Variants in NAA16 observed in about 807,000 individuals in gnomAD.
NAA16 encodes the protein NARG1-like protein.
NAA16 carries 97 observed loss-of-function variants against 110.3 expected under a neutral mutation model. The ratio of observed to expected loss-of-function variants is 0.88; its 90% CI spans 0.75 to 1.04. The LOEUF (loss-of-function observed/expected upper bound fraction) is 1.04. Among genes scored for constraint, NAA16 ranks in the 50% least tolerant of loss-of-function variants. The pLI is 0.00. For synonymous variants in NAA16, 372 were observed against 330.6 expected (o/e 1.13, Z -1.36); for missense variants, 1,017 against 1,005.1 (o/e 1.01, Z -0.16).
At chr13:41,313,256 C>T (rs2041697104) in intron 1 of NAA16, among the ~76,000 whole-genome samples, 1 of 152,132 alleles carries the variant, frequency 6.6e-6, no homozygotes, top group Non-Finnish European at 1.5e-5. Context: ...ATGGAAGTCT[C>T]GGTTTGTTGG....
intron 15 of NAA16, 38 bp from the exon 16 acceptor site, chr13:41,372,165 A>T: frequency 6.9e-7 from 1 of 1,448,258 alleles, no homozygotes; most frequent in South Asian, 1.3e-5. Context: ...ACTTGTTCTG[A>T]TGTTTTTTAA....
At chr13:41,336,171 A>ATT (rs138728723) in intron 8 of NAA16, among the ~76,000 whole-genome samples, 3 of 151,228 alleles carry the variant, frequency 2.0e-5, no homozygotes, top group African/African-American at 7.3e-5. Context: ...TTAAAAAAAA[A>ATT]TTTTTTTTTT....
At chr13:41,316,530 C>CCTGA (rs1291560213) in intron 1 of NAA16, among the ~76,000 whole-genome samples, 1 of 152,042 alleles carries the variant, frequency 6.6e-6, no homozygotes, top group Non-Finnish European at 1.5e-5. Context: ...GTCTCGAACT[C>CCTGA]CTGAGCTCAA....
rs766045946 is a variant in NAA16, at chr13:41,375,476, T to C, written c.2469T>C (p.Tyr823=). The C allele has an allele frequency of 2.5e-6, 4 of 1,614,080 alleles. No individual in the cohort carries two copies. Among genetic ancestry groups the C allele is most frequent in the East Asian group, 4.5e-5 (2 of 44,868 alleles). ...FGNCSSQYEE[Y]RMACHNLLPF... ...ACTGTAGTTCCCAATATGAAGAATATAGGATGGCCTGTCATAACCTGCTTC... is the reference window on the plus strand; with the variant it reads ...ACTGTAGTTCCCAATATGAAGAATACAGGATGGCCTGTCATAACCTGCTTC... Residue 823 remains tyrosine, a synonymous_variant, in exon 20 of 20, where the codon TAT becomes TAC. Transcript: ENST00000379406.
rs766466644 is a variant in NAA16 at position 41,311,491 on chromosome 13, G to A, written c.-38G>A. 14 of 1,569,142 alleles carry A rather than the reference G, an allele frequency of 8.9e-6. No individual in the cohort carries two copies. The highest frequency in any genetic ancestry group is 1.7e-4 in the Middle Eastern group (1 of 5,986). ...GCGAAGCGGAGCGCCCGGGCACCTAGCCTCCCTGCCGGCCACCTAGCCTCC... is the reference window on the plus strand; with the variant it reads ...GCGAAGCGGAGCGCCCGGGCACCTAACCTCCCTGCCGGCCACCTAGCCTCC... On this transcript the variant is annotated 5_prime_UTR_variant, in exon 1 of 20. Coordinates refer to ENST00000379406, the MANE Select transcript of NAA16 (RefSeq NM_024561.5).
chr13:41,316,989 CAG>C, intron 2 of NAA16, 59 bp downstream of exon 2: 3 of 1,170,454 alleles, frequency 2.6e-6, no homozygotes, highest in Non-Finnish European at 3.9e-6. Flanking sequence ...CAGGCATTAA[CAG>C]TGAAAGAAGA....
chr13:41,359,102 T>G (rs2043057909), intron 12 of NAA16, 140 bp downstream of exon 12: 3 of 718,320 alleles, frequency 4.2e-6, no homozygotes, highest in Non-Finnish European at 6.6e-6. Context: ...AAAATCCCAT[T>G]TAACCCATAT....
chr13:41,364,056 G>T (rs2043163927), intron 13 of NAA16, among the ~76,000 whole-genome samples: 1 of 151,476 alleles, frequency 6.6e-6, no homozygotes, highest in Non-Finnish European at 1.5e-5. Context: ...AATTCTTAAT[G>T]ATATCATTGG....
At chr13:41,366,591 TTGGCCATGGATCCATTGAAAATTGGA>T (rs2043211703) in intron 13 of NAA16, among the ~76,000 whole-genome samples, 1 of 152,164 alleles carries the variant, frequency 6.6e-6, no homozygotes, top group Non-Finnish European at 1.5e-5. Flanking sequence ...TTAACCTCTT[TTGGCCATGGATCCATTGAAAATTGGA>T]TGAAAGCTTT....
intron 3 of NAA16, among the ~76,000 whole-genome samples, chr13:41,319,624 C>A (rs933684516): frequency 2.0e-5 from 3 of 152,094 alleles, no homozygotes; most frequent in Non-Finnish European, 4.4e-5. Context: ...TTAAGCGATT[C>A]TCCCACCTCA....
chr13:41,372,327 A>C lies in NAA16; in HGVS notation c.2056+16A>C, dbSNP rs2043338429. ...TTTAGAAAAGGTAATAAATAGTTTG[A>C]GTTCAGTTTTTAATCTTTAATTATA... On this transcript the variant is annotated intron_variant, in intron 16 of 19. Coordinates refer to ENST00000379406, the MANE Select transcript of NAA16 (RefSeq NM_024561.5). 2 of 1,557,262 alleles carry C rather than the reference A, an allele frequency of 1.3e-6. No individual in the cohort carries two copies. Among genetic ancestry groups the C allele is most frequent in the East Asian group, 4.6e-5 (2 of 43,014 alleles).
intron 14 of NAA16, among the ~76,000 whole-genome samples, chr13:41,368,053 G>A (rs534688254): frequency 1.6e-4 from 24 of 152,116 alleles, no homozygotes; most frequent in African/African-American, 4.8e-4. Context: ...TTAAAAAGAC[G>A]AGTTTAGGAA....
chr13:41,353,768 TACACACACACAC>T lies in NAA16; in HGVS notation c.1015-1353_1015-1342del, dbSNP rs58020530. 2.4e-4 allele frequency among the ~76,000 whole-genome samples: 35 copies of T among 146,742 alleles called. No homozygotes were observed. In the East Asian group the frequency reaches 2.4e-3, roughly 10 times the overall value. On this transcript the variant is annotated intron_variant, in intron 9 of 19. Coordinates refer to ENST00000379406, the MANE Select transcript of NAA16 (RefSeq NM_024561.5). Reference sequence around the variant, plus strand: ...GGTGACAGAGGGCGACCCTGTCTCTTACACACACACACACACACACACACACACACACACCCC... The same window carrying T: ...GGTGACAGAGGGCGACCCTGTCTCTTACACACACACACACACACACACCCC...
intron 13 of NAA16, among the ~76,000 whole-genome samples, chr13:41,366,621 A>G (rs868641333): frequency 6.6e-6 from 1 of 152,080 alleles, no homozygotes; most frequent in African/African-American, 2.4e-5. Flanking sequence ...AATTGGATGA[A>G]AGCTTTGAGC....
At chr13:41,363,776 C>T (rs1231594020) in intron 13 of NAA16, among the ~76,000 whole-genome samples, 10 of 152,138 alleles carry the variant, frequency 6.6e-5, no homozygotes, top group African/African-American at 1.4e-4. Context: ...TAATTATTAT[C>T]GCTAGAAACT....
chr13:41,311,549 G>T lies in NAA16; in HGVS notation c.21G>T (p.Pro7=), dbSNP rs768986566. 1.9e-6 allele frequency: 3 copies of T among 1,608,000 alleles called. No individual in the cohort carries two copies. The highest frequency in any genetic ancestry group is 2.2e-5 in the South Asian group (2 of 89,914). ...CCACGATGCCGAACGTGCTGCTGCC[G>T]CCCAAGGAGAGCAACCTCTTCAAAC... is the stretch of plus-strand genomic sequence containing the variant. The part of the protein sequence containing the change: MPNVLL[P]PKESNLFKRI... The change falls in exon 1 of 20, where the codon CCG becomes CCT. Residue 7 remains proline, a synonymous_variant. Coordinates refer to ENST00000379406, the MANE Select transcript of NAA16 (RefSeq NM_024561.5).
intron 18 of NAA16, chr13:41,374,012 T>TA (rs1479696132): frequency 2.5e-5 from 12 of 479,774 alleles, no homozygotes; most frequent in South Asian, 1.1e-4. Flanking sequence ...AACGGGCAAA[T>TA]ACTTTTATAA....
At chr13:41,361,008 T>G (rs1158602678) in intron 12 of NAA16, among the ~76,000 whole-genome samples, 1 of 152,184 alleles carries the variant, frequency 6.6e-6, no homozygotes, top group Non-Finnish European at 1.5e-5. Flanking sequence ...TTCTGAAAAT[T>G]GAACTGATAC....
intron 14 of NAA16, among the ~76,000 whole-genome samples, chr13:41,368,536 A>C (rs2043251366): frequency 6.6e-6 from 1 of 152,128 alleles, no homozygotes; most frequent in African/African-American, 2.4e-5. Context: ...CTGGGGATAC[A>C]CTTTCTAAAA....
Sources: gnomAD v4.1 joint callset for allele counts (sites outside exome capture counted in the v4.1 genomes callset) on GRCh38, gnomAD v4.1.1 for gene constraint, MANE v1.5 for transcripts, NCBI Gene and HGNC (gene_info 2026-07-23, HGNC 2026-07-21) for gene names.